Variants in FRMPD4 observed in about 807,000 individuals in gnomAD.
The protein encoded by FRMPD4 is FERM and PDZ domain-containing protein 4.
FRMPD4 carries 22 observed loss-of-function variants against 94.1 expected under a neutral mutation model. The observed-to-expected ratio is 0.23, with a 90% CI of 0.17 to 0.33. FRMPD4 has a LOEUF of 0.33. Ranked by LOEUF, FRMPD4 falls within the 10% of genes least tolerant of loss-of-function variation. The probability of loss-of-function intolerance (pLI) is 1.00; values close to 1 mark genes in which losing one functional copy is unlikely to be tolerated. For missense variants in FRMPD4, 1,111 were observed against 1,339.9 expected, an observed-to-expected ratio of 0.83 and a Z score of 2.67; for synonymous variants, 631 against 548.6, an observed-to-expected ratio of 1.15 and a Z score of -2.10.
chrX:12,236,636 A>G (rs1020665164), intron 1 of FRMPD4, among the ~76,000 whole-genome samples: 1 of 111,422 alleles, frequency 9.0e-6, no homozygotes, highest in African/African-American at 3.3e-5. Flanking sequence ...ATAACCTCTA[A>G]ATTCAATCTG....
chrX:11,920,744 C>T (rs764875335), intron 3 of FRMPD4, among the ~76,000 whole-genome samples: 7 of 111,964 alleles, frequency 6.3e-5, no homozygotes, highest in Non-Finnish European at 9.4e-5. Context: ...TGCTAATAGA[C>T]GATGAGATCA....
At chrX:11,835,489 C>T (rs1050990396) in intron 1 of FRMPD4, among the ~76,000 whole-genome samples, 12 of 112,114 alleles carry the variant, frequency 1.1e-4, no homozygotes, top group Non-Finnish European at 5.6e-5. Context: ...TAAGCACGTA[C>T]AACGTGGCAT....
intron 3 of FRMPD4, among the ~76,000 whole-genome samples, chrX:12,027,670 A>G (rs1466226173): frequency 2.7e-5 from 3 of 112,391 alleles, no homozygotes; most frequent in Non-Finnish European, 5.6e-5. Context: ...TGGACTTCAT[A>G]ATGCAGTTAT....
At chrX:12,212,242 A>G (rs1366321854) in intron 1 of FRMPD4, among the ~76,000 whole-genome samples, 6 of 112,263 alleles carry the variant, frequency 5.3e-5, no homozygotes, top group Admixed American at 9.4e-5. Context: ...TGGCCATACA[A>G]AAAAGATCAG....
intron 2 of FRMPD4, among the ~76,000 whole-genome samples, chrX:12,588,215 C>A (rs1433035109): frequency 2.7e-5 from 3 of 111,722 alleles, no homozygotes; most frequent in Non-Finnish European, 5.7e-5. Flanking sequence ...GGTCTCGAAC[C>A]CTGACCTCCA....
chrX:12,593,221 C>A (rs1327559619), intron 2 of FRMPD4, among the ~76,000 whole-genome samples: 1 of 112,051 alleles, frequency 8.9e-6, no homozygotes, highest in African/African-American at 3.2e-5. Flanking sequence ...TATTCTGACC[C>A]CTCACTTAAC....
At chrX:12,660,731 G>T (rs1222492695) in intron 4 of FRMPD4, among the ~76,000 whole-genome samples, 1 of 112,182 alleles carries the variant, frequency 8.9e-6, no homozygotes, top group East Asian at 2.8e-4. Context: ...TAAATAATTG[G>T]TTATCTCTCA....
intron 1 of FRMPD4, among the ~76,000 whole-genome samples, chrX:11,851,566 A>G (rs745755167): frequency 9.0e-6 from 1 of 111,519 alleles, no homozygotes; most frequent in Non-Finnish European, 1.9e-5. Flanking sequence ...AGTAGTTGAC[A>G]CTTGGCTTTA....
At position 12,389,528 on chromosome X, in the gene FRMPD4, A is replaced by G. The variant is rs982795164; in HGVS notation, c.42-109152A>G. 1.4e-4 allele frequency among the ~76,000 whole-genome samples: 16 copies of G among 110,950 alleles called. No individual in the cohort carries two copies. In the Admixed American group the frequency reaches 1.5e-3, roughly 11 times the overall value. On this transcript the variant is annotated intron_variant, in intron 1 of 16. Coordinates refer to ENST00000675598, the MANE Select transcript of FRMPD4 (RefSeq NM_001368397.1). Reference sequence around the variant, plus strand: ...ACAACAACAAAATTTGCTGAGAGTAAATTTCAAATATTCAAATATTTAAGG... The same window carrying G: ...ACAACAACAAAATTTGCTGAGAGTAGATTTCAAATATTCAAATATTTAAGG...
chrX:12,340,629 C>T lies in FRMPD4; in HGVS notation c.42-158051C>T, dbSNP rs6640973. ...TACCTTAGTAAGGCAAGGTCTGCACCATTTCTCTCTTCAGAATGCTCACAT... is the reference window on the plus strand; with the variant it reads ...TACCTTAGTAAGGCAAGGTCTGCACTATTTCTCTCTTCAGAATGCTCACAT... On this transcript the variant is annotated intron_variant, in intron 1 of 16. Transcript: ENST00000675598. Among the ~76,000 whole-genome samples the T allele has an allele frequency of 2.1e-4, 23 of 111,283 alleles. No homozygotes were observed. In the East Asian group the frequency reaches 5.0e-3, roughly 24 times the overall value.
chrX:12,213,302 G>A (rs746263974), intron 1 of FRMPD4, among the ~76,000 whole-genome samples: 7 of 111,767 alleles, frequency 6.3e-5, no homozygotes, highest in South Asian at 3.7e-4. Flanking sequence ...TTATCTTATC[G>A]TTAATGCTTT....
At position 12,723,577 on chromosome X, in the gene FRMPD4, TGA is replaced by T. The variant is rs1002158088; in HGVS notation, c.*1724_*1725del. The T allele has an allele frequency of 1.8e-5, 2 of 112,278 alleles. No homozygotes were observed. Among genetic ancestry groups the T allele is most frequent in the African/African-American group, 6.5e-5 (2 of 30,946 alleles). The allele number at this position is 112,278 out of a possible 1,213,427, so 9.3% of individuals were successfully genotyped here. A position where few individuals can be genotyped will look rare whatever the true frequency, so the allele number is the denominator to read the frequency against. ...ATTATAAATATTGGTGTTTTGATAT[TGA>T]GAGATATTAGTGGTGTTTACTGTGG... is the stretch of plus-strand genomic sequence containing the variant. On this transcript the variant is annotated 3_prime_UTR_variant, in exon 17 of 17. Coordinates refer to ENST00000675598, the MANE Select transcript of FRMPD4 (RefSeq NM_001368397.1).
chrX:12,377,539 A>G (rs2056255946), intron 1 of FRMPD4, among the ~76,000 whole-genome samples: 1 of 112,299 alleles, frequency 8.9e-6, no homozygotes, highest in African/African-American at 3.2e-5. Flanking sequence ...AAACTGACAC[A>G]CCACAATGCA....
chrX:12,416,146 T>C (rs1373313199), intron 1 of FRMPD4, among the ~76,000 whole-genome samples: 1 of 110,146 alleles, frequency 9.1e-6, no homozygotes, highest in Non-Finnish European at 1.9e-5. Flanking sequence ...CTTTCTCTAT[T>C]TTATGTTTCT....
chrX:12,442,260 A>G (rs1035920474), intron 1 of FRMPD4, among the ~76,000 whole-genome samples: 1 of 111,859 alleles, frequency 8.9e-6, no homozygotes, highest in African/African-American at 3.2e-5. Flanking sequence ...TGTTTGCCTC[A>G]GGCTGTGAGC....
At chrX:12,003,070 A>T (rs2054532476) in intron 3 of FRMPD4, among the ~76,000 whole-genome samples, 1 of 111,373 alleles carries the variant, frequency 9.0e-6, no homozygotes, top group Non-Finnish European at 1.9e-5. Context: ...GCACACCCCC[A>T]TTCATTCCAG....
At chrX:12,364,998 G>A (rs749049485) in intron 1 of FRMPD4, among the ~76,000 whole-genome samples, 3 of 112,521 alleles carry the variant, frequency 2.7e-5, no homozygotes, top group Non-Finnish European at 5.6e-5. Flanking sequence ...GGCCCATTGC[G>A]TTCAGCTGGT....
At chrX:12,092,856 C>G (rs1178739130) in intron 3 of FRMPD4, among the ~76,000 whole-genome samples, 1 of 111,609 alleles carries the variant, frequency 9.0e-6, no homozygotes, top group Non-Finnish European at 1.9e-5. Context: ...AACATGCACT[C>G]TGGAGAAAAA....
At chrX:11,844,244 G>C (rs953058559) in intron 1 of FRMPD4, among the ~76,000 whole-genome samples, 5 of 108,180 alleles carry the variant, frequency 4.6e-5, no homozygotes, top group African/African-American at 1.7e-4. Flanking sequence ...TGATCCACCT[G>C]CCTCAGCCTC....
Sources: gnomAD v4.1 joint callset for allele counts (sites outside exome capture counted in the v4.1 genomes callset) on GRCh38, gnomAD v4.1.1 for gene constraint, MANE v1.5 for transcripts, NCBI Gene and HGNC (gene_info 2026-07-23, HGNC 2026-07-21) for gene names.